DPP6: variants seen among roughly 807,000 people sequenced by gnomAD.
The protein encoded by DPP6 is dipeptidyl peptidase like 6.
Under a neutral mutation model 122.6 loss-of-function variants are expected in DPP6, and 69 were observed. The observed-to-expected ratio is 0.56, with a 90% CI of 0.46 to 0.69. DPP6 has a LOEUF of 0.69. Ranked by LOEUF, DPP6 falls within the 30% of genes least tolerant of loss-of-function variation. DPP6 has a pLI of 0.00. For missense variants in DPP6, 928 were observed against 1,116.9 expected, an observed-to-expected ratio of 0.83 and a Z score of 2.41; for synonymous variants, 418 against 433.1, an observed-to-expected ratio of 0.97 and a Z score of 0.43.
chr7:154,353,447 ATCCC>A (rs1026351627), intron 1 of DPP6, among the ~76,000 whole-genome samples: 8 of 152,018 alleles, frequency 5.3e-5, no homozygotes, highest in African/African-American at 1.9e-4. Context: ...CGCTGAGTTC[ATCCC>A]CAGCATAAAG....
intron 5 of DPP6, among the ~76,000 whole-genome samples, chr7:154,599,584 A>T (rs1481495545): frequency 6.6e-6 from 1 of 151,742 alleles, no homozygotes; most frequent in Admixed American, 6.6e-5. Context: ...ATATGTATAC[A>T]TGTTACATAT....
At chr7:153,797,082 T>C in the DPP6 span, among the ~76,000 whole-genome samples, 3 of 152,296 alleles carry the variant, frequency 2.0e-5, no homozygotes, top group Admixed American at 2.0e-4. Context: ...GGGCCTGGGA[T>C]CTGCCGTCAG....
intron 1 of DPP6, among the ~76,000 whole-genome samples, chr7:154,429,756 G>C (rs868608224): frequency 6.6e-6 from 1 of 152,164 alleles, no homozygotes; most frequent in Non-Finnish European, 1.5e-5. Context: ...CTGGAGTACC[G>C]GGGTTAGGCA....
At chr7:153,920,086 A>G (rs907650529) in intron 1 of DPP6, among the ~76,000 whole-genome samples, 3 of 152,244 alleles carry the variant, frequency 2.0e-5, no homozygotes, top group African/African-American at 7.2e-5. Flanking sequence ...CAAGTGAGGT[A>G]ATGCAAAGAA....
chr7:154,380,169 T>C (rs1813468015), intron 1 of DPP6, among the ~76,000 whole-genome samples: 1 of 152,008 alleles, frequency 6.6e-6, no homozygotes, highest in African/African-American at 2.4e-5. Context: ...TTTGAAAAAA[T>C]TGGGGAATTT....
intron 16 of DPP6, among the ~76,000 whole-genome samples, chr7:154,846,486 A>G (rs1211268937): frequency 6.6e-6 from 1 of 152,202 alleles, no homozygotes. Context: ...ATTAGCGGAA[A>G]GTCAGCTTCC....
At chr7:154,004,282 G>T (rs574197298) in intron 1 of DPP6, among the ~76,000 whole-genome samples, 1 of 152,202 alleles carries the variant, frequency 6.6e-6, no homozygotes, top group South Asian at 2.1e-4. Context: ...TACTGGAGGA[G>T]CAGCACCTGC....
At chr7:154,375,947 C>T (rs564537591) in intron 1 of DPP6, among the ~76,000 whole-genome samples, 5 of 152,166 alleles carry the variant, frequency 3.3e-5, no homozygotes, top group African/African-American at 1.2e-4. Flanking sequence ...CACCTGCTGG[C>T]CCACCTCGAG....
chr7:154,390,010 A>G (rs914166020), intron 1 of DPP6, among the ~76,000 whole-genome samples: 1 of 152,250 alleles, frequency 6.6e-6, no homozygotes, highest in African/African-American at 2.4e-5. Flanking sequence ...GCCAGAATGT[A>G]TGCATTCAAG....
intron 1 of DPP6, among the ~76,000 whole-genome samples, chr7:154,202,339 C>A (rs1382515374): frequency 6.6e-6 from 1 of 152,154 alleles, no homozygotes; most frequent in Non-Finnish European, 1.5e-5. Flanking sequence ...AATAAGGGGA[C>A]AGAGAAGAAA....
At chr7:154,715,863 G>A (rs1349566728) in intron 7 of DPP6, among the ~76,000 whole-genome samples, 1 of 152,140 alleles carries the variant, frequency 6.6e-6, no homozygotes, top group Admixed American at 6.5e-5. Flanking sequence ...AAGTCTCAGA[G>A]GCATCTCACA....
chr7:154,129,472 A>G (rs1034317053), intron 1 of DPP6, among the ~76,000 whole-genome samples: 1 of 152,224 alleles, frequency 6.6e-6, no homozygotes, highest in African/African-American at 2.4e-5. Context: ...TTTTGAAAAC[A>G]TAGACATGGG....
intron 1 of DPP6, among the ~76,000 whole-genome samples, chr7:154,408,910 G>C (rs1472251394): frequency 6.6e-6 from 1 of 152,138 alleles, no homozygotes; most frequent in African/African-American, 2.4e-5. Context: ...GGAGGCCGAG[G>C]CTGGTGGACT....
chr7:154,782,091 C>T (rs1442803422), intron 10 of DPP6, among the ~76,000 whole-genome samples: 1 of 152,226 alleles, frequency 6.6e-6, no homozygotes, highest in African/African-American at 2.4e-5. Context: ...CCATGGCAGT[C>T]CCCACCCTGT....
chr7:154,092,216 T>C (rs550562618), intron 1 of DPP6: 1 of 152,236 alleles, frequency 6.6e-6, no homozygotes, highest in East Asian at 1.9e-4. Context: ...TTGCTCCACT[T>C]ACTTTATTAT....
At chr7:154,589,454 T>G (rs1477604332) in intron 5 of DPP6, among the ~76,000 whole-genome samples, 1 of 152,236 alleles carries the variant, frequency 6.6e-6, no homozygotes, top group Non-Finnish European at 1.5e-5. Flanking sequence ...AATTTAAGTC[T>G]GCTTTTTAAA....
intron 1 of DPP6, among the ~76,000 whole-genome samples, chr7:154,394,014 T>A (rs535921599): frequency 1.3e-5 from 2 of 152,384 alleles, no homozygotes; most frequent in Admixed American, 6.5e-5. Flanking sequence ...TTCCATTGTA[T>A]GTGTATGTTA....
the DPP6 span, among the ~76,000 whole-genome samples, chr7:153,867,845 G>C: frequency 3.9e-5 from 6 of 152,098 alleles, no homozygotes. Flanking sequence ...AATTTATTGC[G>C]AATTTTTAGC....
rs1453329580 is a variant in DPP6, at chr7:154,755,818, C to T, written c.884-13599C>T. On this transcript the variant is annotated intron_variant, in intron 8 of 25. Coordinates refer to ENST00000377770, the MANE Select transcript of DPP6 (RefSeq NM_130797.4). The surrounding 1 kb of genome is among the most constrained non-coding windows in gnomAD (Gnocchi z 4.7). Reference sequence around the variant, plus strand: ...GGTTGGAAGAGGTCGGAGTGGGGCGCGTCCCAGGTCGGGAATGTTAGGACA... The same window carrying T: ...GGTTGGAAGAGGTCGGAGTGGGGCGTGTCCCAGGTCGGGAATGTTAGGACA... Among the ~76,000 whole-genome samples the T allele has an allele frequency of 1.3e-5, 2 of 152,188 alleles. No individual in the cohort carries two copies. Among genetic ancestry groups the T allele is most frequent in the Admixed American group, 6.5e-5 (1 of 15,282 alleles).
Sources: gnomAD v4.1 joint callset for allele counts (sites outside exome capture counted in the v4.1 genomes callset) on GRCh38, gnomAD v4.1.1 for gene constraint, Gnocchi (gnomAD v3.1) non-coding constraint, MANE v1.5 for transcripts, NCBI Gene and HGNC (gene_info 2026-07-23, HGNC 2026-07-21) for gene names.